The following CCDC102B variants were observed in gnomAD, a reference collection of about 807,000 sequenced individuals.
The protein encoded by CCDC102B is coiled-coil domain-containing protein 102B.
Under a neutral mutation model 57.4 loss-of-function variants are expected in CCDC102B, and 75 were observed. That is an observed-to-expected ratio of 1.31 (90% CI 1.08 to 1.58). The LOEUF (loss-of-function observed/expected upper bound fraction) is 1.58, where lower values mean the gene tolerates loss of function less well. CCDC102B is among the 40% of genes most tolerant of loss of function. The pLI, the probability that CCDC102B is intolerant of heterozygous loss-of-function variation, is 0.00. For missense variants in CCDC102B, 636 were observed against 582.6 expected (o/e 1.09, Z -0.94); for synonymous variants, 206 against 201.9 (o/e 1.02, Z -0.17).
intron 1 of CCDC102B, among the ~76,000 whole-genome samples, chr18:68,808,738 A>G (rs932725651): frequency 6.6e-6 from 1 of 152,100 alleles, no homozygotes; most frequent in African/African-American, 2.4e-5. Flanking sequence ...TTGGCCTCCC[A>G]AAGTGCCGGG....
intron 4 of CCDC102B, among the ~76,000 whole-genome samples, chr18:68,850,344 G>C (rs2038064651): frequency 6.6e-6 from 1 of 152,010 alleles, no homozygotes; most frequent in African/African-American, 2.4e-5. Context: ...GCTTACATCG[G>C]GAGAGCTGGG....
upstream of CCDC102B, among the ~76,000 whole-genome samples, chr18:68,796,956 C>T (rs2035650987): frequency 6.6e-6 from 1 of 151,716 alleles, no homozygotes; most frequent in Non-Finnish European, 1.5e-5. Context: ...TTGGCCATGA[C>T]AGAAAGAATG....
chr18:68,825,186 T>C (rs549503144), intron 1 of CCDC102B, among the ~76,000 whole-genome samples: 2 of 152,336 alleles, frequency 1.3e-5, no homozygotes, highest in East Asian at 3.9e-4. Flanking sequence ...ATTCTCATAG[T>C]AAATGAAACT....
chr18:69,013,380 G>A (rs1174629162), intron 7 of CCDC102B, among the ~76,000 whole-genome samples: 1 of 152,076 alleles, frequency 6.6e-6, no homozygotes, highest in Non-Finnish European at 1.5e-5. Flanking sequence ...CGGAAAGGTG[G>A]GGTGGAAGGA....
intron 7 of CCDC102B, among the ~76,000 whole-genome samples, chr18:69,015,677 A>G (rs2051644829): frequency 6.6e-6 from 1 of 152,196 alleles, no homozygotes; most frequent in Admixed American, 6.5e-5. Context: ...CTTGGGCCAT[A>G]GGAAAAAATC....
intron 6 of CCDC102B, among the ~76,000 whole-genome samples, chr18:68,940,904 C>T (rs558363642): frequency 1.3e-5 from 2 of 151,828 alleles, no homozygotes; most frequent in East Asian, 1.9e-4. Flanking sequence ...AGTAAACTAA[C>T]CTCAGAGTAC....
At chr18:68,805,553 C>T (rs933195479) in intron 1 of CCDC102B, among the ~76,000 whole-genome samples, 16 of 151,762 alleles carry the variant, frequency 1.1e-4, no homozygotes, top group African/African-American at 1.9e-4. Context: ...GATGTGAAGC[C>T]GATGAGGAAG....
chr18:68,817,969 G>C (rs2036549279), intron 1 of CCDC102B, among the ~76,000 whole-genome samples: 1 of 152,090 alleles, frequency 6.6e-6, no homozygotes, highest in Non-Finnish European at 1.5e-5. Flanking sequence ...TTATAGTAAA[G>C]ATACATGTAG....
At chr18:68,808,072 A>G (rs1275149211) in intron 1 of CCDC102B, among the ~76,000 whole-genome samples, 16 of 152,154 alleles carry the variant, frequency 1.1e-4, no homozygotes, top group African/African-American at 3.6e-4. Flanking sequence ...TATAAGTTTC[A>G]TATTATAGAT....
intron 1 of CCDC102B, among the ~76,000 whole-genome samples, chr18:68,824,767 A>T (rs1401209561): frequency 1.3e-5 from 2 of 152,232 alleles, no homozygotes; most frequent in African/African-American, 4.8e-5. Context: ...GTTTTCTGTT[A>T]AGCCAAAGTC....
At chr18:68,983,686 A>G (rs2050652993) in intron 6 of CCDC102B, among the ~76,000 whole-genome samples, 1 of 152,078 alleles carries the variant, frequency 6.6e-6, no homozygotes, top group African/African-American at 2.4e-5. Context: ...TGTGTTTACT[A>G]GGAGATTGCA....
intron 6 of CCDC102B, among the ~76,000 whole-genome samples, chr18:68,986,139 T>C (rs897224596): frequency 6.6e-6 from 1 of 152,112 alleles, no homozygotes; most frequent in Non-Finnish European, 1.5e-5. Context: ...AAGGATGGGC[T>C]CCTTTCTATT....
At chr18:68,789,525 A>T (rs1351941922) in intron 2 of CCDC102B, among the ~76,000 whole-genome samples, 1 of 149,872 alleles carries the variant, frequency 6.7e-6, no homozygotes, top group Admixed American at 6.6e-5. Context: ...GGCTTTGCTC[A>T]TTTCTTTTTA....
intron 6 of CCDC102B, among the ~76,000 whole-genome samples, chr18:68,931,133 A>T (rs1219091523): frequency 6.6e-6 from 1 of 151,336 alleles, no homozygotes; most frequent in Non-Finnish European, 1.5e-5. Context: ...TTGTGGCCAC[A>T]TTTTTTTTCA....
At chr18:68,715,768 G>C (rs1040559844) in intron 1 of CCDC102B, among the ~76,000 whole-genome samples, 5 of 152,088 alleles carry the variant, frequency 3.3e-5, no homozygotes, top group Admixed American at 6.5e-5. Context: ...ATACGACAAT[G>C]ATTTGTAAAA....
At chr18:68,930,630 A>G (rs1255754694) in intron 6 of CCDC102B, among the ~76,000 whole-genome samples, 1 of 151,896 alleles carries the variant, frequency 6.6e-6, no homozygotes, top group African/African-American at 2.4e-5. Flanking sequence ...AATAACTACT[A>G]TACTCTTCAC....
intron 6 of CCDC102B, among the ~76,000 whole-genome samples, chr18:68,915,473 T>C (rs1217579337): frequency 6.6e-6 from 1 of 152,258 alleles, no homozygotes; most frequent in Admixed American, 6.5e-5. Flanking sequence ...TTTTTACCCA[T>C]ATTAATGAGC....
At chr18:68,835,738 T>C (rs2037338535) in intron 1 of CCDC102B, among the ~76,000 whole-genome samples, 1 of 152,198 alleles carries the variant, frequency 6.6e-6, no homozygotes, top group Non-Finnish European at 1.5e-5. Context: ...TCTTCATGAT[T>C]CACCATTTTG....
At chr18:68,878,166 G>A (rs899630293) in intron 5 of CCDC102B, among the ~76,000 whole-genome samples, 3 of 152,048 alleles carry the variant, frequency 2.0e-5, no homozygotes, top group South Asian at 2.1e-4. Context: ...GCACAATCTC[G>A]GCTCACTGCA....
Sources: allele counts gnomAD v4.1 joint callset (sites outside exome capture counted in the v4.1 genomes callset), GRCh38; gene constraint gnomAD v4.1.1; transcripts MANE v1.5; gene names NCBI Gene and HGNC (gene_info 2026-07-23, HGNC 2026-07-21).